The following CLVS1 variants were observed in gnomAD, a reference collection of about 807,000 sequenced individuals.
The protein encoded by CLVS1 is clavesin-1.
Under a neutral mutation model 33.1 loss-of-function variants are expected in CLVS1, and 10 were observed. The ratio of observed to expected loss-of-function variants is 0.30; its 90% CI spans 0.19 to 0.51. CLVS1 has a LOEUF of 0.51. Ranked by LOEUF, CLVS1 falls within the 20% of genes least tolerant of loss-of-function variation. The probability of loss-of-function intolerance (pLI) is 0.97; values close to 1 mark genes in which losing one functional copy is unlikely to be tolerated. For missense variants in CLVS1, 343 were observed against 433.4 expected (o/e 0.79, Z 1.85); for synonymous variants, 163 against 166.1 (o/e 0.98, Z 0.14).
chr8:61,462,347 T>G (rs1230131001), intron 5 of CLVS1, among the ~76,000 whole-genome samples: 1 of 152,194 alleles, frequency 6.6e-6, no homozygotes, highest in African/African-American at 2.4e-5. Flanking sequence ...ATGGTAGCTA[T>G]AGTCTTATGA....
intron 5 of CLVS1, among the ~76,000 whole-genome samples, chr8:61,470,523 A>G (rs1190236432): frequency 2.6e-5 from 4 of 152,224 alleles, no homozygotes. Flanking sequence ...TTATTTGGAA[A>G]GGGAGATATA....
At chr8:61,453,344 A>G (rs1288011484) in intron 3 of CLVS1, among the ~76,000 whole-genome samples, 1 of 152,128 alleles carries the variant, frequency 6.6e-6, no homozygotes, top group African/African-American at 2.4e-5. Flanking sequence ...GCTTCCTAGC[A>G]TCTAAAACAT....
intron 2 of CLVS1, among the ~76,000 whole-genome samples, chr8:61,361,258 T>C (rs974714112): frequency 6.6e-6 from 1 of 152,094 alleles, no homozygotes; most frequent in African/African-American, 2.4e-5. Flanking sequence ...GGGACACAGA[T>C]CCAAATCATA....
chr8:61,478,419 T>C (rs1818047413), intron 5 of CLVS1, among the ~76,000 whole-genome samples: 1 of 152,232 alleles, frequency 6.6e-6, no homozygotes, highest in African/African-American at 2.4e-5. Flanking sequence ...CAGTGGGGTG[T>C]TGAAGTCTCC....
At chr8:61,180,669 G>A (rs1004008646) in intron 2 of CLVS1, among the ~76,000 whole-genome samples, 16 of 152,176 alleles carry the variant, frequency 1.1e-4, no homozygotes, top group Admixed American at 3.9e-4. Context: ...TCCCTGTGAC[G>A]CAAGTCTGGT....
chr8:61,351,231 T>A (rs566827648), intron 2 of CLVS1, among the ~76,000 whole-genome samples: 1 of 151,854 alleles, frequency 6.6e-6, no homozygotes, highest in East Asian at 1.9e-4. Context: ...ATAGAAGTTA[T>A]AAAAAAGAAC....
intron 3 of CLVS1, among the ~76,000 whole-genome samples, chr8:61,439,164 T>C (rs1380702448): frequency 6.6e-6 from 1 of 152,220 alleles, no homozygotes; most frequent in East Asian, 1.9e-4. Context: ...TTGCATCATA[T>C]GAAGCATACT....
At chr8:61,255,156 G>A (rs562727692) in intron 2 of CLVS1, among the ~76,000 whole-genome samples, 1 of 152,254 alleles carries the variant, frequency 6.6e-6, no homozygotes, top group South Asian at 2.1e-4. Context: ...AAAGTTTTAT[G>A]GAAGACAGGA....
chr8:61,269,127 C>A (rs1253069148), intron 2 of CLVS1, among the ~76,000 whole-genome samples: 1 of 148,224 alleles, frequency 6.7e-6, no homozygotes, highest in Non-Finnish European at 1.5e-5. Context: ...CCTAGGTTTT[C>A]TTCTAGGGTT....
intron 1 of CLVS1, among the ~76,000 whole-genome samples, chr8:61,066,704 C>T (rs1028633785): frequency 6.6e-6 from 1 of 152,192 alleles, no homozygotes; most frequent in Non-Finnish European, 1.5e-5. Context: ...CAAGTGTACA[C>T]ATTCTCAATG....
chr8:61,340,010 GAAAA>G (rs147133872), intron 2 of CLVS1, among the ~76,000 whole-genome samples: 1 of 98,300 alleles, frequency 1.0e-5, no homozygotes, highest in Non-Finnish European at 2.2e-5. Context: ...AAGAAAGGAA[GAAAA>G]AGAAAGAAAG....
intron 2 of CLVS1, among the ~76,000 whole-genome samples, chr8:61,206,933 A>T (rs1807859631): frequency 6.6e-6 from 1 of 152,060 alleles, no homozygotes; most frequent in Non-Finnish European, 1.5e-5. Flanking sequence ...TTCCTAGTAG[A>T]TTCTGAGGTC....
intron 2 of CLVS1, among the ~76,000 whole-genome samples, chr8:61,331,849 C>CCTT (rs1168841402): frequency 6.8e-6 from 1 of 147,438 alleles, no homozygotes; most frequent in African/African-American, 2.6e-5. Flanking sequence ...TCCTCCTCCT[C>CCTT]CTTCTTCTTC....
chr8:61,024,527 C>A, the CLVS1 span, among the ~76,000 whole-genome samples: 1 of 152,130 alleles, frequency 6.6e-6, no homozygotes, highest in African/African-American at 2.4e-5. Flanking sequence ...CAAGAAATTC[C>A]TTTTCTTCTC....
chr8:61,098,915 A>G (rs1188486033), intron 1 of CLVS1, among the ~76,000 whole-genome samples: 3 of 152,254 alleles, frequency 2.0e-5, no homozygotes, highest in African/African-American at 7.2e-5. Context: ...TGAAATGTAA[A>G]GCCTATGCTC....
the CLVS1 span, among the ~76,000 whole-genome samples, chr8:60,981,779 C>T: frequency 9.6e-4 from 146 of 152,234 alleles, no homozygotes; most frequent in African/African-American, 3.1e-3. Context: ...TCCTGTCTGC[C>T]GGGAGGCCGA....
chr8:61,284,935 T>G (rs1009370996), upstream of CLVS1, among the ~76,000 whole-genome samples: 1 of 152,018 alleles, frequency 6.6e-6, no homozygotes, highest in African/African-American at 2.4e-5. Context: ...GATATAGAAG[T>G]GAAAAAGCAA....
chr8:60,994,920 C>A, the CLVS1 span, among the ~76,000 whole-genome samples: 1 of 151,770 alleles, frequency 6.6e-6, no homozygotes, highest in Non-Finnish European at 1.5e-5. Context: ...GGAAAGGATT[C>A]CCTATTTAAT....
chr8:61,274,743 C>T (rs1223112125), intron 2 of CLVS1, among the ~76,000 whole-genome samples: 3 of 152,158 alleles, frequency 2.0e-5, no homozygotes, highest in Admixed American at 6.5e-5. Flanking sequence ...TGATTTAAAA[C>T]ACATCCTTTT....
Sources: gnomAD v4.1 joint callset for allele counts (sites outside exome capture counted in the v4.1 genomes callset) on GRCh38, gnomAD v4.1.1 for gene constraint, MANE v1.5 for transcripts, NCBI Gene and HGNC (gene_info 2026-07-23, HGNC 2026-07-21) for gene names.